VPS8: variants seen among roughly 807,000 people sequenced by gnomAD.
The protein encoded by VPS8 is vacuolar protein sorting-associated protein 8 homolog.
Under a neutral mutation model 216.4 loss-of-function variants are expected in VPS8, and 129 were observed. That is an observed-to-expected ratio of 0.60 (90% CI 0.52 to 0.69). The LOEUF is 0.69. VPS8 is among the 30% of genes least tolerant of loss of function. The pLI is 0.00. For synonymous variants in VPS8, 571 were observed against 565.4 expected, an observed-to-expected ratio of 1.01 and a Z score of -0.14; for missense variants, 1,531 against 1,683.5, an observed-to-expected ratio of 0.91 and a Z score of 1.59.
chr3:184,927,592 A>G (rs1739890236), intron 31 of VPS8, among the ~76,000 whole-genome samples: 1 of 151,946 alleles, frequency 6.6e-6, no homozygotes, highest in Non-Finnish European at 1.5e-5. Flanking sequence ...AAATAGACGT[A>G]ACACATAATT....
At chr3:184,938,834 C>T (rs1742131575) in intron 35 of VPS8, among the ~76,000 whole-genome samples, 1 of 151,372 alleles carries the variant, frequency 6.6e-6, no homozygotes, top group Admixed American at 6.6e-5. Flanking sequence ...TCAAGACCAG[C>T]CTGGGCAACA....
chr3:185,046,886 T>C (rs1713036820), intron 46 of VPS8, among the ~76,000 whole-genome samples: 1 of 152,100 alleles, frequency 6.6e-6, no homozygotes, highest in Non-Finnish European at 1.5e-5. Flanking sequence ...ACGCCAGTGA[T>C]AAATAGTAAG....
Position 185,003,171 on chromosome 3 carries a change from T to TA in VPS8, c.4002+3312dup, listed in dbSNP as rs1553901481. Among the ~76,000 whole-genome samples, 6 of 144,460 alleles carry TA rather than the reference T, an allele frequency of 4.2e-5. No homozygotes were observed. In the South Asian group the frequency reaches 6.8e-4, roughly 16 times the overall value. 94.8% of individuals were successfully genotyped at this position (144,460 alleles called of 152,430 possible). A position where few individuals can be genotyped will look rare whatever the true frequency, so the allele number is the denominator to read the frequency against. ...ATTTTTTCTCATTTTTTTTTTTTTT[T>TA]AATTGATCATTCTTGGGTGTTTCTC... is the stretch of plus-strand genomic sequence containing the variant. On this transcript the variant is annotated intron_variant, in intron 45 of 47. Transcript: ENST00000625842.
At chr3:184,978,601 G>C (rs1391212833) in intron 40 of VPS8, among the ~76,000 whole-genome samples, 1 of 151,968 alleles carries the variant, frequency 6.6e-6, no homozygotes, top group South Asian at 2.1e-4. Context: ...GGTCTCCCCA[G>C]GTTGCTCAGG....
intron 46 of VPS8, among the ~76,000 whole-genome samples, chr3:185,043,678 G>C (rs1004718429): frequency 2.6e-5 from 4 of 152,206 alleles, no homozygotes; most frequent in African/African-American, 9.6e-5. Context: ...CAGAACACTA[G>C]TAGCTATATT....
chr3:184,845,986 C>T (rs561383964), intron 8 of VPS8, among the ~76,000 whole-genome samples: 2 of 152,226 alleles, frequency 1.3e-5, no homozygotes, highest in East Asian at 3.9e-4. Context: ...TTACTTTACT[C>T]ATTTATTCCT....
At position 184,914,187 on chromosome 3, in the gene VPS8, G is replaced by T. The variant is rs146875737; in HGVS notation, c.2189+626G>T. ...ATTTGAGCTCATATCTAATGTCAGAGTTAACTTTGAAACCTGTTTCACACT... is the reference window on the plus strand; with the variant it reads ...ATTTGAGCTCATATCTAATGTCAGATTTAACTTTGAAACCTGTTTCACACT... On this transcript the variant is annotated intron_variant, in intron 26 of 47. Transcript: ENST00000625842. Among the ~76,000 whole-genome samples, 762 of 152,284 alleles carry T rather than the reference G, an allele frequency of 5.0e-3. 6 individuals carry two copies. Among genetic ancestry groups the T allele is most frequent in the African/African-American group, 0.016 (671 of 41,556 alleles).
chr3:184,874,382 C>T (rs1267285738), intron 21 of VPS8, among the ~76,000 whole-genome samples: 1 of 152,022 alleles, frequency 6.6e-6, no homozygotes, highest in Non-Finnish European at 1.5e-5. Flanking sequence ...TTAATTACAT[C>T]CTAGGACTCT....
chr3:184,950,244 T>TTTTTTTTTTTTTA (rs1412761706), intron 36 of VPS8, among the ~76,000 whole-genome samples: 1 of 141,472 alleles, frequency 7.1e-6, no homozygotes, highest in African/African-American at 2.7e-5. Context: ...TTTTTTTTTT[T>TTTTTTTTTTTTTA]ACTCTAGCTT....
rs1487413448 is a variant in VPS8, at chr3:185,024,377, C to A, written c.4044C>A (p.Pro1348=). The part of the protein sequence containing the change: ...SPSYHQSKGD[P]TAKKGTSEPV... ...CGTATCATCAGTCCAAAGGGGATCC[C>A]ACTGCTAAAAAGGTGAGTTTGTTTT... The change falls in exon 46 of 48, where the codon CCC becomes CCA. Residue 1348 remains proline, a synonymous_variant. Transcript: ENST00000625842. The A allele has an allele frequency of 6.3e-7, 1 of 1,597,802 alleles. No homozygotes were observed. Among genetic ancestry groups the A allele is most frequent in the East Asian group, 2.2e-5 (1 of 44,586 alleles).
intron 47 of VPS8, 57 bp from the exon 48 acceptor site, chr3:185,051,819 G>A (rs1714304053): frequency 6.7e-7 from 1 of 1,493,808 alleles, no homozygotes; most frequent in South Asian, 1.4e-5. Context: ...GGATTCAGGA[G>A]CCTCTCTTCC....
In VPS8 at chr3:184,869,006, T is replaced by C; in HGVS notation, c.1567T>C (p.Phe523Leu). The change falls in exon 19 of 48, where the codon TTC becomes CTC. Residue 523 changes from phenylalanine to leucine, a missense_variant. Physicochemically the swap from Phe to Leu is conservative, Grantham distance 22 (BLOSUM62 0). This residue lies in a region of VPS8 where 1,318 missense variants were observed against 1,468.4 expected (regional missense o/e 0.90). Coordinates refer to ENST00000625842, the MANE Select transcript of VPS8 (RefSeq NM_001009921.3). Reference sequence around the variant, plus strand: ...AGAAGCGTTGGCTCTTGCGTGGTCTTTCCATGAAGGAAAAGCAAAAGCAGT... The same window carrying C: ...AGAAGCGTTGGCTCTTGCGTGGTCTCTCCATGAAGGAAAAGCAAAAGCAGT... The part of the protein sequence containing the change: ...LTEALALAWS[F>L]HEGKAKAVVG... 2 of 1,609,926 alleles carry C rather than the reference T, an allele frequency of 1.2e-6. No homozygotes were observed. The highest frequency in any genetic ancestry group is 1.7e-6 in the Non-Finnish European group (2 of 1,178,192).
At chr3:184,840,907 C>T (rs1333847893) in intron 7 of VPS8, among the ~76,000 whole-genome samples, 1 of 152,100 alleles carries the variant, frequency 6.6e-6, no homozygotes, top group Admixed American at 6.5e-5. Flanking sequence ...GATTTGATTT[C>T]TGTGGGGCCT....
At chr3:184,898,069 T>A (rs1733836250) in intron 23 of VPS8, among the ~76,000 whole-genome samples, 1 of 152,130 alleles carries the variant, frequency 6.6e-6, no homozygotes. Flanking sequence ...CTTACCACAT[T>A]TGTAAATAAT....
intron 46 of VPS8, among the ~76,000 whole-genome samples, chr3:185,032,669 CT>C (rs1300662389): frequency 8.0e-4 from 117 of 147,148 alleles, no homozygotes; most frequent in Admixed American, 1.7e-3. Context: ...AATTAATAGC[CT>C]TTTTTTTTTT....
chr3:184,818,980 C>T (rs147717770), intron 1 of VPS8, among the ~76,000 whole-genome samples: 7 of 151,782 alleles, frequency 4.6e-5, no homozygotes, highest in East Asian at 1.9e-4. Context: ...CTAACCTGGG[C>T]GACATAGCAA....
chr3:184,882,963 A>C (rs1287322793), intron 21 of VPS8, among the ~76,000 whole-genome samples: 4 of 152,154 alleles, frequency 2.6e-5, no homozygotes, highest in African/African-American at 9.7e-5. Context: ...GAAGTTTGTC[A>C]GTTCTAATCA....
intron 22 of VPS8, among the ~76,000 whole-genome samples, chr3:184,890,277 A>G (rs1266856351): frequency 6.6e-6 from 1 of 152,200 alleles, no homozygotes; most frequent in Non-Finnish European, 1.5e-5. Context: ...CAGATTTTGC[A>G]TAATACAAAC....
chr3:184,868,740 G>A (rs1004334268), intron 18 of VPS8, among the ~76,000 whole-genome samples: 3 of 152,138 alleles, frequency 2.0e-5, no homozygotes, highest in Admixed American at 1.3e-4. Context: ...TTTAGGCCCC[G>A]TGGCTCTCTA....
Sources: allele counts gnomAD v4.1 joint callset (sites outside exome capture counted in the v4.1 genomes callset), GRCh38; gene constraint gnomAD v4.1.1; regional missense constraint gnomAD v4.1.1; transcripts MANE v1.5; gene names NCBI Gene and HGNC (gene_info 2026-07-23, HGNC 2026-07-21).